Variants in PCLO observed in about 807,000 individuals in gnomAD.
The protein encoded by PCLO is protein piccolo.
PCLO carries 82 observed loss-of-function variants against 427.5 expected under a neutral mutation model. The ratio of observed to expected loss-of-function variants is 0.19; its 90% CI spans 0.16 to 0.23. PCLO has a LOEUF of 0.23. PCLO is among the 10% of genes least tolerant of loss of function. The pLI is 1.00. For synonymous variants in PCLO, 2,357 were observed against 2,155.4 expected, an observed-to-expected ratio of 1.09 and a Z score of -2.59; for missense variants, 6,239 against 6,115.9, an observed-to-expected ratio of 1.02 and a Z score of -0.67.
In PCLO at chr7:82,852,507, A is replaced by G. The variant is rs1025874921; in HGVS notation, c.13655-5260T>C. The stretch of plus-strand genomic sequence containing the variant: ...TTCCTGCCCTAGAACATCAGACTCC[A>G]AGTTCTTTAGCTTTTGGACTCTTGG... On this transcript the variant is annotated intron_variant, in intron 10 of 24. Transcript: ENST00000333891. 3.9e-5 allele frequency among the ~76,000 whole-genome samples: 6 copies of G among 152,134 alleles called. No individual in the cohort carries two copies. In the East Asian group the frequency reaches 1.2e-3, roughly 29 times the overall value.
chr7:82,858,523 CAGATGACACGATGTTATAT>C (rs1792866139), intron 10 of PCLO, among the ~76,000 whole-genome samples: 1 of 152,002 alleles, frequency 6.6e-6, no homozygotes, highest in South Asian at 2.1e-4. Flanking sequence ...TGTCTATTTG[CAGATGACACGATGTTATAT>C]ATGGAAAACA....
chr7:83,155,395 C>A lies in PCLO; in HGVS notation c.1246G>T (p.Gly416Trp). 3.7e-6 allele frequency: 6 copies of A among 1,613,716 alleles called. No individual in the cohort carries two copies. Among genetic ancestry groups the A allele is most frequent in the Non-Finnish European group, 5.1e-6 (6 of 1,179,842 alleles). ...GPAKPPTQQV[G>W]TPKPLAQQPG... ...TGTTGAGCTAGGGGTTTTGGTGTCCCCACCTGCTGGGTTGGAGGCTTTGCT... is the reference window on the plus strand; with the variant it reads ...TGTTGAGCTAGGGGTTTTGGTGTCCACACCTGCTGGGTTGGAGGCTTTGCT... The change falls in exon 2 of 25, where the codon GGG (glycine) becomes TGG (tryptophan). Residue 416 changes from glycine (G) to tryptophan (W), a missense_variant. Transcript: ENST00000333891.
At chr7:82,781,670 G>A (rs569508232) in intron 22 of PCLO, among the ~76,000 whole-genome samples, 1 of 152,254 alleles carries the variant, frequency 6.6e-6, no homozygotes, top group South Asian at 2.1e-4. Flanking sequence ...GCAGGCCTCA[G>A]GAAATAGAAT....
chr7:83,107,420 G>T (rs1231789582), intron 3 of PCLO, among the ~76,000 whole-genome samples: 1 of 151,896 alleles, frequency 6.6e-6, no homozygotes, highest in East Asian at 1.9e-4. Context: ...AATAACATTT[G>T]CTTTCTTAGG....
rs2115563169 is a variant in PCLO, at chr7:82,955,282, A to C, written c.5671T>G (p.Ser1891Ala). Residue 1891 changes from serine (S) to alanine (A), a missense_variant, in exon 5 of 25, where the codon TCA becomes GCA. Ser to Ala is a moderately conservative substitution (Grantham distance 99). Around this residue, in one of 5 missense-constraint regions of PCLO, gnomAD observed 4,677 missense variants for 4,468.4 expected, o/e 1.05. Coordinates refer to ENST00000333891, the MANE Select transcript of PCLO (RefSeq NM_033026.6). Reference sequence around the variant, plus strand: ...TGCTCATCTGTTGGTGAGTATAATGAAACAGCTGTGGGCAATTTATAAACT... The same window carrying C: ...TGCTCATCTGTTGGTGAGTATAATGCAACAGCTGTGGGCAATTTATAAACT... ...QKVYKLPTAV[S>A]LYSPTDEQSI... 1 of 1,613,456 alleles carries C rather than the reference A, an allele frequency of 6.2e-7. No homozygotes were observed. Among genetic ancestry groups the C allele is most frequent in the Non-Finnish European group, 8.5e-7 (1 of 1,179,752 alleles).
At chr7:83,070,595 G>A (rs1789788629) in intron 3 of PCLO, among the ~76,000 whole-genome samples, 1 of 152,114 alleles carries the variant, frequency 6.6e-6, no homozygotes, top group Non-Finnish European at 1.5e-5. Context: ...CACCATGTTA[G>A]CCAGGATAGT....
At chr7:82,883,822 G>A (rs1053993878) in intron 9 of PCLO, among the ~76,000 whole-genome samples, 1 of 152,114 alleles carries the variant, frequency 6.6e-6, no homozygotes, top group African/African-American at 2.4e-5. Context: ...CCAAGCTGGA[G>A]TGCAGTGGTG....
chr7:82,930,908 G>C (rs1033877643), intron 6 of PCLO, among the ~76,000 whole-genome samples: 5 of 152,082 alleles, frequency 3.3e-5, no homozygotes, highest in African/African-American at 1.2e-4. Context: ...GAACACCATT[G>C]AACAGGAATG....
chr7:82,981,421 G>GA (rs1360228041), intron 3 of PCLO, among the ~76,000 whole-genome samples: 2 of 152,030 alleles, frequency 1.3e-5, no homozygotes, highest in African/African-American at 2.4e-5. Context: ...AAAGTGTAAG[G>GA]AAAACCAGTA....
At chr7:83,037,996 T>TATATATATAC (rs1788840230) in intron 3 of PCLO, among the ~76,000 whole-genome samples, 1 of 21,558 alleles carries the variant, frequency 4.6e-5, no homozygotes, top group Non-Finnish European at 7.2e-5. Flanking sequence ...AGCTTATATA[T>TATATATATAC]ATATATATAT....
intron 3 of PCLO, among the ~76,000 whole-genome samples, chr7:83,064,411 C>T (rs1372420705): frequency 1.3e-5 from 2 of 151,964 alleles, no homozygotes; most frequent in East Asian, 3.9e-4. Context: ...GCAGGGAACA[C>T]TTTAAATGGC....
intron 3 of PCLO, among the ~76,000 whole-genome samples, chr7:83,007,922 T>C (rs986390543): frequency 1.3e-5 from 2 of 151,688 alleles, no homozygotes; most frequent in African/African-American, 4.8e-5. Context: ...GCTGCTGCTA[T>C]TGTTACCTGC....
At chr7:82,815,909 G>A (rs1021870680) in intron 20 of PCLO, among the ~76,000 whole-genome samples, 1 of 151,992 alleles carries the variant, frequency 6.6e-6, no homozygotes, top group African/African-American at 2.4e-5. Flanking sequence ...TAAAATGATG[G>A]TTAGATCTAC....
intron 3 of PCLO, among the ~76,000 whole-genome samples, chr7:82,977,537 C>T (rs185008346): frequency 0.024 from 3,607 of 151,748 alleles, 149 homozygotes; most frequent in African/African-American, 0.08. Context: ...CTCAGCCTCC[C>T]GAGTAGTTGG....
At chr7:82,999,788 AAATAT>A (rs1398843256) in intron 3 of PCLO, among the ~76,000 whole-genome samples, 2 of 116,366 alleles carry the variant, frequency 1.7e-5, no homozygotes, top group Non-Finnish European at 3.4e-5. Context: ...ATTATATATA[AAATAT>A]AATATATAAT....
intron 19 of PCLO, among the ~76,000 whole-genome samples, 158 bp downstream of exon 19, chr7:82,824,078 T>G (rs551338232): frequency 1.3e-5 from 2 of 152,310 alleles, no homozygotes; most frequent in East Asian, 3.9e-4. Flanking sequence ...ATAAAGCCCA[T>G]TTCTCCTGAT....
In PCLO at chr7:82,846,091, TTAAATCTATCTCA is replaced by T. The variant is rs1319090853; in HGVS notation, c.13831+463_13831+475del. Among the ~76,000 whole-genome samples, 26 of 152,188 alleles carry T rather than the reference TTAAATCTATCTCA, an allele frequency of 1.7e-4. No individual in the cohort carries two copies. In the South Asian group the frequency reaches 5.2e-3, roughly 30 times the overall value. On this transcript the variant is annotated intron_variant, in intron 12 of 24. Transcript: ENST00000333891. Reference sequence around the variant, plus strand: ...ATTATATTTGTTATTCAAGAAAGAGTTAAATCTATCTCATCATGTACTTATGAAATTACATGTT... The same window carrying T: ...ATTATATTTGTTATTCAAGAAAGAGTTCATGTACTTATGAAATTACATGTT...
At chr7:83,010,814 A>C (rs78828503) in intron 3 of PCLO, among the ~76,000 whole-genome samples, 2,757 of 151,950 alleles carry the variant, frequency 0.018, 84 homozygotes, top group African/African-American at 0.062. Flanking sequence ...GTAAAGAATA[A>C]ATCTCTAAAT....
In PCLO at chr7:82,955,628, C is replaced by T. The variant is rs779992682; in HGVS notation, c.5325G>A (p.Glu1775=). The T allele has an allele frequency of 1.9e-5, 31 of 1,613,840 alleles. No homozygotes were observed. Among genetic ancestry groups the T allele is most frequent in the Non-Finnish European group, 2.6e-5 (31 of 1,179,798 alleles). The change falls in exon 5 of 25, where the codon GAG becomes GAA. Residue 1775 remains glutamate, a synonymous_variant. Transcript: ENST00000333891. Reference sequence around the variant, plus strand: ...CTTCTTCCTCTCTCAATTCTTCTTCCTCTGAAGAATCTTCAATAGTAGGCA... The same window carrying T: ...CTTCTTCCTCTCTCAATTCTTCTTCTTCTGAAGAATCTTCAATAGTAGGCA... ...PLLPTIEDSS[E]EEELREEEEL... is the part of the protein sequence containing the mutation.
Sources: allele counts gnomAD v4.1 joint callset (sites outside exome capture counted in the v4.1 genomes callset), GRCh38; gene constraint gnomAD v4.1.1; regional missense constraint gnomAD v4.1.1; transcripts MANE v1.5; gene names NCBI Gene and HGNC (gene_info 2026-07-23, HGNC 2026-07-21).